Variants in ZFHX3 observed in about 807,000 individuals in gnomAD.
The protein encoded by ZFHX3 is zinc finger homeobox protein 3.
Under a neutral mutation model 279.1 loss-of-function variants are expected in ZFHX3, and 42 were observed. That is an observed-to-expected ratio of 0.15 (90% CI 0.12 to 0.19). ZFHX3 has a LOEUF of 0.19. Ranked by LOEUF, ZFHX3 falls within the 10% of genes least tolerant of loss-of-function variation. ZFHX3 has a pLI of 1.00. For synonymous variants in ZFHX3, 2,293 were observed against 1,957.8 expected (o/e 1.17, Z -4.52); for missense variants, 4,981 against 4,754.0 (o/e 1.05, Z -1.40).
chr16:72,825,960 T>C (rs1328293437), intron 5 of ZFHX3, among the ~76,000 whole-genome samples: 4 of 152,180 alleles, frequency 2.6e-5, no homozygotes, highest in South Asian at 4.1e-4. Flanking sequence ...TCTATAGTAA[T>C]ATCGGTCTTA....
Position 73,387,791 on chromosome 16 carries a change from A to G in ZFHX3, c.-1291+68212T>C, listed in dbSNP as rs898623367. On this transcript the variant is annotated intron_variant, in intron 3 of 17. Transcript: ENST00000641206. ...ATACACAAGTCGCACATAAACACCC[A>G]CTGCTTTTGGTGTGGTACTTACTGT... is the stretch of plus-strand genomic sequence containing the variant. Among the ~76,000 whole-genome samples, 6 of 151,936 alleles carry G rather than the reference A, an allele frequency of 3.9e-5. 1 individual carries two copies. The highest frequency in any genetic ancestry group is 3.3e-4 in the Admixed American group (5 of 15,250).
In ZFHX3 at chr16:73,230,261, G is replaced by A. The variant is rs182606495; in HGVS notation, c.-1104+26786C>T. Among the ~76,000 whole-genome samples the A allele has an allele frequency of 5.8e-3, 881 of 152,296 alleles. 3 individuals carry two copies. Among genetic ancestry groups the A allele is most frequent in the Admixed American group, 8.4e-3 (128 of 15,306 alleles). On this transcript the variant is annotated intron_variant, in intron 5 of 17. Transcript: ENST00000641206. ...AATGAAATTGCAGATAGATGCAAGG[G>A]TATGACAATATTATGATTGTACCCA...
chr16:73,120,815 C>G lies in ZFHX3; in HGVS notation c.-897+10153G>C, dbSNP rs566494878. On this transcript the variant is annotated intron_variant, in intron 7 of 17. Coordinates refer to the ZFHX3 transcript ENST00000641206. ...GACCACAGGTGTGTGCTACCACGCCCGGCGAATTTTTTATATTTTTAATAG... is the reference window on the plus strand; with the variant it reads ...GACCACAGGTGTGTGCTACCACGCCGGGCGAATTTTTTATATTTTTAATAG... Among the ~76,000 whole-genome samples, 3 of 151,868 alleles carry G rather than the reference C, an allele frequency of 2.0e-5. No individual in the cohort carries two copies. The South Asian group carries it at 6.2e-4, about 32-fold the overall frequency.
upstream of ZFHX3, among the ~76,000 whole-genome samples, chr16:73,048,605 G>A (rs1450535674): frequency 3.9e-5 from 6 of 152,222 alleles, no homozygotes; most frequent in South Asian, 2.1e-4. Flanking sequence ...ACGCGCCCTC[G>A]GCCACTAAAA....
chr16:73,320,400 G>C (rs980822788), intron 3 of ZFHX3, among the ~76,000 whole-genome samples: 2 of 152,140 alleles, frequency 1.3e-5, no homozygotes, highest in Non-Finnish European at 2.9e-5. Context: ...TAATAACCGC[G>C]AGGGTGGCAA....
chr16:73,022,106 C>A (rs1229929525), intron 1 of ZFHX3, among the ~76,000 whole-genome samples: 1 of 152,188 alleles, frequency 6.6e-6, no homozygotes, highest in Non-Finnish European at 1.5e-5. Flanking sequence ...CTATAATGCA[C>A]TTAGTAATGA....
intron 2 of ZFHX3, among the ~76,000 whole-genome samples, chr16:73,532,980 TGTCA>T (rs754391632): frequency 6.6e-6 from 1 of 152,238 alleles, no homozygotes. Context: ...CATGTGGAAC[TGTCA>T]GTCAATTAAA....
intron 1 of ZFHX3, among the ~76,000 whole-genome samples, chr16:72,984,833 C>T (rs895548371): frequency 6.6e-6 from 1 of 152,006 alleles, no homozygotes; most frequent in Admixed American, 6.6e-5. Context: ...AGAATTTATA[C>T]ATATAAAATT....
At chr16:73,470,190 T>C (rs1305587593) in intron 2 of ZFHX3, among the ~76,000 whole-genome samples, 2 of 152,178 alleles carry the variant, frequency 1.3e-5, no homozygotes, top group African/African-American at 2.4e-5. Context: ...AGTAGCGAGT[T>C]TGACGCTTTC....
intron 5 of ZFHX3, among the ~76,000 whole-genome samples, chr16:73,197,283 A>G (rs1247857539): frequency 6.6e-6 from 1 of 152,188 alleles, no homozygotes; most frequent in Non-Finnish European, 1.5e-5. Context: ...AATGGCATCA[A>G]TGGATGAATT....
chr16:72,994,506 T>A (rs1963208673), intron 1 of ZFHX3, among the ~76,000 whole-genome samples: 1 of 152,110 alleles, frequency 6.6e-6, no homozygotes, highest in Non-Finnish European at 1.5e-5. Context: ...TAACAGAACC[T>A]CAAACCAAGG....
intron 5 of ZFHX3, among the ~76,000 whole-genome samples, chr16:73,248,987 T>C (rs1209545290): frequency 6.6e-6 from 1 of 152,212 alleles, no homozygotes; most frequent in Non-Finnish European, 1.5e-5. Flanking sequence ...AGATACGTTT[T>C]CATTCACTTC....
At chr16:73,106,602 CA>C (rs933881710) in intron 7 of ZFHX3, among the ~76,000 whole-genome samples, 3 of 152,160 alleles carry the variant, frequency 2.0e-5, no homozygotes, top group Admixed American at 6.5e-5. Flanking sequence ...ATGCAAGATG[CA>C]AAATCTTGCA....
At chr16:73,572,181 A>AAT (rs2051746487) in intron 2 of ZFHX3, among the ~76,000 whole-genome samples, 1 of 151,838 alleles carries the variant, frequency 6.6e-6, no homozygotes, top group Non-Finnish European at 1.5e-5. Context: ...AAAAAAAAAA[A>AAT]AAAAACTTTT....
chr16:73,321,906 T>G (rs988505057), intron 3 of ZFHX3, among the ~76,000 whole-genome samples: 7 of 152,294 alleles, frequency 4.6e-5, no homozygotes, highest in African/African-American at 1.7e-4. Context: ...GCCTATCAAC[T>G]TTCCATGACA....
At chr16:73,446,699 CAT>C (rs1294829746) in intron 3 of ZFHX3, among the ~76,000 whole-genome samples, 1 of 152,066 alleles carries the variant, frequency 6.6e-6, no homozygotes, top group Non-Finnish European at 1.5e-5. Context: ...CTCATAAACA[CAT>C]AGAGGGGAAC....
chr16:73,104,939 A>G (rs1966277142), intron 7 of ZFHX3, among the ~76,000 whole-genome samples: 1 of 152,108 alleles, frequency 6.6e-6, no homozygotes, highest in Non-Finnish European at 1.5e-5. Flanking sequence ...AAAGGCAGGG[A>G]CCTGTCAAGT....
intron 1 of ZFHX3, among the ~76,000 whole-genome samples, chr16:73,880,350 CT>C (rs1236364695): frequency 2.6e-5 from 4 of 151,022 alleles, no homozygotes; most frequent in Non-Finnish European, 5.9e-5. Flanking sequence ...AAATAATAAA[CT>C]GAAAAATAGG....
At chr16:73,807,272 A>G (rs1246712397) in intron 1 of ZFHX3, among the ~76,000 whole-genome samples, 1 of 152,182 alleles carries the variant, frequency 6.6e-6, no homozygotes, top group Non-Finnish European at 1.5e-5. Context: ...ACACAAGGCC[A>G]TCTGACTACC....
Sources: allele counts gnomAD v4.1 joint callset (sites outside exome capture counted in the v4.1 genomes callset), GRCh38; gene constraint gnomAD v4.1.1; transcripts MANE v1.5; gene names NCBI Gene and HGNC (gene_info 2026-07-23, HGNC 2026-07-21).